MSI2: variants seen among roughly 807,000 people sequenced by gnomAD.
The protein encoded by MSI2 is musashi RNA binding protein 2, also known as RNA-binding protein Musashi homolog 2.
A neutral mutation model predicts 45.6 loss-of-function variants in MSI2; 17 were observed. The observed-to-expected ratio is 0.37, with a 90% CI of 0.26 to 0.56. MSI2 has a LOEUF of 0.56. Ranked by LOEUF, MSI2 falls within the 20% of genes least tolerant of loss-of-function variation. The pLI, the probability that MSI2 is intolerant of heterozygous loss-of-function variation, is 0.77. For missense variants in MSI2, 293 were observed against 444.2 expected (o/e 0.66, Z 3.06); for synonymous variants, 156 against 158.2 (o/e 0.99, Z 0.11).
chr17:57,567,102 A>G (rs1480128676), intron 7 of MSI2, among the ~76,000 whole-genome samples: 1 of 152,174 alleles, frequency 6.6e-6, no homozygotes, highest in Admixed American at 6.5e-5. Flanking sequence ...ATTCCAGACA[A>G]TCCATTCTGT....
At chr17:57,305,467 ATC>A (rs1444868885) in intron 5 of MSI2, among the ~76,000 whole-genome samples, 1 of 152,224 alleles carries the variant, frequency 6.6e-6, no homozygotes, top group Non-Finnish European at 1.5e-5. Flanking sequence ...GGGAAAAAGA[ATC>A]TGCTCTGCGC....
intron 9 of MSI2, among the ~76,000 whole-genome samples, chr17:57,622,381 C>T (rs1908385234): frequency 6.6e-6 from 1 of 152,220 alleles, no homozygotes. Context: ...TTTCTCTGAG[C>T]CTTCTCTGCC....
intron 5 of MSI2, among the ~76,000 whole-genome samples, chr17:57,377,140 T>G (rs1043098226): frequency 6.6e-6 from 1 of 152,124 alleles, no homozygotes; most frequent in African/African-American, 2.4e-5. Context: ...CAGGATGGTC[T>G]CGATCTCCTG....
intron 5 of MSI2, among the ~76,000 whole-genome samples, chr17:57,350,225 G>GGTGTGTGTGTGTGTGTGTGTGTGT (rs58596259): frequency 2.0e-5 from 3 of 146,638 alleles, no homozygotes; most frequent in Non-Finnish European, 3.0e-5. Context: ...CAGAGGTAGG[G>GGTGTGTGTGTGTGTGTGTGTGTGT]GTGTGTGTGT....
chr17:57,619,765 G>A (rs1268785394), intron 9 of MSI2, among the ~76,000 whole-genome samples: 1 of 152,176 alleles, frequency 6.6e-6, no homozygotes, highest in Non-Finnish European at 1.5e-5. Context: ...GCGCCTGCTC[G>A]CTGGGGGATG....
At chr17:57,365,399 C>G (rs1013943715) in intron 5 of MSI2, among the ~76,000 whole-genome samples, 2 of 152,124 alleles carry the variant, frequency 1.3e-5, no homozygotes, top group African/African-American at 4.8e-5. Flanking sequence ...TTTCTAAATG[C>G]TAAGGGGAAG....
chr17:57,643,579 C>G (rs926392527), intron 10 of MSI2, among the ~76,000 whole-genome samples: 1 of 152,228 alleles, frequency 6.6e-6, no homozygotes, highest in Non-Finnish European at 1.5e-5. Context: ...CCGCACTTGC[C>G]TCTTCTGAGG....
rs1181887443 is a variant in MSI2, at chr17:57,529,008, G to A, written c.406-668G>A. Among the ~76,000 whole-genome samples, 1 of 152,172 alleles carries A rather than the reference G, an allele frequency of 6.6e-6. No individual in the cohort carries two copies. Among genetic ancestry groups the A allele is most frequent in the Non-Finnish European group, 1.5e-5 (1 of 68,036 alleles). On this transcript the variant is annotated intron_variant, in intron 6 of 13. Transcript: ENST00000284073. The surrounding 1 kb of genome is among the most constrained non-coding windows in gnomAD (Gnocchi z 5.3). ...TGGGAAATATGCATCGGTCAAGATAGTAGTATACATGATATACTAACCTGG... is the reference window on the plus strand; with the variant it reads ...TGGGAAATATGCATCGGTCAAGATAATAGTATACATGATATACTAACCTGG...
intron 10 of MSI2, among the ~76,000 whole-genome samples, chr17:57,637,552 T>C (rs1440295414): frequency 6.6e-6 from 1 of 152,176 alleles, no homozygotes; most frequent in Non-Finnish European, 1.5e-5. Flanking sequence ...AGCGCTCAGC[T>C]CCCCATGGCA....
intron 10 of MSI2, chr17:57,632,744 A>G: frequency 9.4e-7 from 1 of 1,065,798 alleles, no homozygotes; most frequent in Non-Finnish European, 1.1e-6. Context: ...TTGGACCCTC[A>G]AGAGTCACTG....
intron 10 of MSI2, among the ~76,000 whole-genome samples, chr17:57,637,314 G>T (rs748379386): frequency 1.2e-4 from 19 of 152,230 alleles, no homozygotes; most frequent in Non-Finnish European, 2.8e-4. Context: ...CACGAGGCTC[G>T]TCGGGGCTGT....
intron 7 of MSI2, among the ~76,000 whole-genome samples, chr17:57,571,730 G>C (rs1427023022): frequency 1.3e-5 from 2 of 152,220 alleles, no homozygotes; most frequent in Admixed American, 1.3e-4. Flanking sequence ...TAATAGTAAT[G>C]ATAATAATGT....
chr17:57,671,490 C>A (rs536670604), intron 11 of MSI2: 1 of 152,088 alleles, frequency 6.6e-6, no homozygotes, highest in Non-Finnish European at 1.5e-5. Flanking sequence ...CAAAATAAGT[C>A]TCCGTGCCTG....
rs891713961 is a variant in MSI2 at position 57,398,195 on chromosome 17, A to T, written c.313-3184A>T. Among the ~76,000 whole-genome samples the T allele has an allele frequency of 2.6e-5, 4 of 152,156 alleles. No homozygotes were observed. In the South Asian group the frequency reaches 8.3e-4, roughly 31 times the overall value. On this transcript the variant is annotated intron_variant, in intron 5 of 13. Coordinates refer to ENST00000284073, the MANE Select transcript of MSI2 (RefSeq NM_138962.4). ...GACTTCTGTTATTTGGAATGAAGAC[A>T]TGTTGTTTGTTGAATTCTCTGGGAC...
At chr17:57,526,157 G>A (rs757093335) in intron 6 of MSI2, among the ~76,000 whole-genome samples, 41 of 152,162 alleles carry the variant, frequency 2.7e-4, no homozygotes, top group South Asian at 6.2e-4. Context: ...CCCAGGAGGC[G>A]GGGGTAGCAG....
At chr17:57,661,982 T>C (rs1392098767) in intron 11 of MSI2, among the ~76,000 whole-genome samples, 1 of 152,214 alleles carries the variant, frequency 6.6e-6, no homozygotes, top group African/African-American at 2.4e-5. Flanking sequence ...TGCATGTGTC[T>C]GCGGGTGGCA....
At chr17:57,486,432 A>G (rs2085756231) in intron 6 of MSI2, among the ~76,000 whole-genome samples, 2 of 152,364 alleles carry the variant, frequency 1.3e-5, no homozygotes, top group South Asian at 2.1e-4. Flanking sequence ...CTTACTGCCA[A>G]ACTGGGGCTC....
In MSI2 at chr17:57,637,545, G is replaced by A. The variant is rs552421752; in HGVS notation, c.727+10242G>A. Among the ~76,000 whole-genome samples the A allele has an allele frequency of 3.9e-5, 6 of 152,324 alleles. No individual in the cohort carries two copies. In the East Asian group the frequency reaches 5.8e-4, roughly 15 times the overall value. On this transcript the variant is annotated intron_variant, in intron 10 of 13. Coordinates refer to ENST00000284073, the MANE Select transcript of MSI2 (RefSeq NM_138962.4). ...TAAACGGAAATGTGACTAAGTGAGC[G>A]CTCAGCTCCCCATGGCAAAGCCCAG...
chr17:57,559,050 GAGACTCCATCTA>G (rs2087510433), intron 7 of MSI2, among the ~76,000 whole-genome samples: 1 of 152,082 alleles, frequency 6.6e-6, no homozygotes, highest in African/African-American at 2.4e-5. Context: ...TGACAAGAGC[GAGACTCCATCTA>G]AAAAAAAAGA....
Sources: allele counts gnomAD v4.1 joint callset (sites outside exome capture counted in the v4.1 genomes callset), GRCh38; gene constraint gnomAD v4.1.1; non-coding constraint Gnocchi (gnomAD v3.1); transcripts MANE v1.5; gene names NCBI Gene and HGNC (gene_info 2026-07-23, HGNC 2026-07-21).